NAP1L4: variants seen among roughly 807,000 people sequenced by gnomAD.
The protein encoded by NAP1L4 is nucleosome assembly protein 1 like 4.
A neutral mutation model predicts 58.2 loss-of-function variants in NAP1L4; 15 were observed. That is an observed-to-expected ratio of 0.26 (90% CI 0.17 to 0.40). NAP1L4 has a LOEUF of 0.40. NAP1L4 is among the 10% of genes least tolerant of loss of function. The pLI is 1.00. For synonymous variants in NAP1L4, 171 were observed against 155.6 expected, an observed-to-expected ratio of 1.10 and a Z score of -0.74; for missense variants, 384 against 451.1, an observed-to-expected ratio of 0.85 and a Z score of 1.35.
At chr11:2,962,533 T>C (rs1487087911) in intron 8 of NAP1L4, among the ~76,000 whole-genome samples, 1 of 152,214 alleles carries the variant, frequency 6.6e-6, no homozygotes, top group East Asian at 1.9e-4. Context: ...CGCTTCATAA[T>C]AATTTTACAA....
chr11:2,986,265 T>C (rs1179441435), intron 1 of NAP1L4, among the ~76,000 whole-genome samples: 1 of 151,804 alleles, frequency 6.6e-6, no homozygotes, highest in African/African-American at 2.4e-5. Context: ...TCCCAGCTAC[T>C]CAGGAGGCTG....
chr11:2,954,376 CACA>C lies in NAP1L4; in HGVS notation c.1035+148_1035+150del, dbSNP rs1372163899. 6.1e-6 allele frequency: 7 copies of C among 1,147,688 alleles called. No individual in the cohort carries two copies. The highest frequency in any genetic ancestry group is 2.0e-5 in the Admixed American group (1 of 51,120). 71.1% of individuals were successfully genotyped at this position (1,147,688 alleles called of 1,614,324 possible). A position where few individuals can be genotyped will look rare whatever the true frequency, so the allele number is the denominator to read the frequency against. The stretch of plus-strand genomic sequence containing the variant: ...TTCTCCTCTTCAAGCGTATTCCCCC[CACA>C]ACAAGGACAGCAGCTTGGACTACAT... On this transcript the variant is annotated intron_variant, in intron 12 of 15. Coordinates refer to ENST00000380542, the MANE Select transcript of NAP1L4 (RefSeq NM_005969.4). The surrounding 1 kb of genome is among the most constrained non-coding windows in gnomAD (Gnocchi z 4.8).
At chr11:2,988,139 GAAGA>G (rs1848752291) in intron 1 of NAP1L4, 2 of 152,102 alleles carry the variant, frequency 1.3e-5, no homozygotes, top group Admixed American at 1.3e-4. Context: ...GGGGTTTCAA[GAAGA>G]AAGCAAAAAA....
chr11:2,979,475 C>G (rs1848172152), intron 1 of NAP1L4, among the ~76,000 whole-genome samples: 1 of 152,052 alleles, frequency 6.6e-6, no homozygotes, highest in Admixed American at 6.6e-5. Context: ...AAACTTTACT[C>G]ATAAAAAAAT....
At chr11:2,987,239 ACT>A (rs1848685955) in intron 1 of NAP1L4, among the ~76,000 whole-genome samples, 8 of 151,512 alleles carry the variant, frequency 5.3e-5, no homozygotes, top group Admixed American at 4.6e-4. Context: ...TATCATTACC[ACT>A]CTCCAGGATC....
In NAP1L4 at chr11:2,971,729, A is replaced by G. The variant is rs1026968093; in HGVS notation, c.316-195T>C. ...GGGTAAACCTGGATGTTTCACCTAA[A>G]GATGTAAAATAAAGACAGTCCCCGA... On this transcript the variant is annotated intron_variant, in intron 5 of 15. Coordinates refer to ENST00000380542, the MANE Select transcript of NAP1L4 (RefSeq NM_005969.4). The surrounding 1 kb of genome is among the most constrained non-coding windows in gnomAD (Gnocchi z 4.2). Among the ~76,000 whole-genome samples the G allele has an allele frequency of 6.6e-6, 1 of 152,256 alleles. No homozygotes were observed. Among genetic ancestry groups the G allele is most frequent in the African/African-American group, 2.4e-5 (1 of 41,470 alleles).
At chr11:2,976,203 C>A in intron 3 of NAP1L4, 80 bp from the exon 4 acceptor site, 1 of 1,015,904 alleles carries the variant, frequency 9.8e-7, no homozygotes, top group Non-Finnish European at 1.5e-6. Context: ...AGTAACATAT[C>A]TACTTAGCTT....
rs558601081 is a variant in NAP1L4, at chr11:2,951,191, G to A, written c.1122+68C>T. 1.6e-6 allele frequency: 2 copies of A among 1,248,908 alleles called. No individual in the cohort carries two copies. Among genetic ancestry groups the A allele is most frequent in the Non-Finnish European group, 2.3e-6 (2 of 859,368 alleles). The allele number at this position is 1,248,908 out of a possible 1,614,324, so 77.4% of individuals were successfully genotyped here. On this transcript the variant is annotated intron_variant, in intron 14 of 15. Transcript: ENST00000380542. This position sits in a 1 kb window ranked among gnomAD's most constrained non-coding sequence, Gnocchi z 4.0. ...TTGTTAACACTACTGCCTCAAAGTG[G>A]GGAACATTTTTAAAAGTCTAAGAGT...
In NAP1L4 at chr11:2,951,023, A is replaced by G; in HGVS notation, c.1122+236T>C. 2.1e-6 allele frequency: 1 copy of G among 472,794 alleles called. No homozygotes were observed. Among genetic ancestry groups the G allele is most frequent in the Non-Finnish European group, 3.7e-6 (1 of 268,264 alleles). 29.3% of individuals were successfully genotyped at this position (472,794 alleles called of 1,614,324 possible). A position where few individuals can be genotyped will look rare whatever the true frequency, so the allele number is the denominator to read the frequency against. Reference sequence around the variant, plus strand: ...AGTTGCTCTACTGAGGAGTCTATGTAAATAAGACACAGCTTGAGACAGCTG... The same window carrying G: ...AGTTGCTCTACTGAGGAGTCTATGTGAATAAGACACAGCTTGAGACAGCTG... On this transcript the variant is annotated intron_variant, in intron 14 of 15. Transcript: ENST00000380542. The surrounding 1 kb of genome is among the most constrained non-coding windows in gnomAD (Gnocchi z 4.0).
At chr11:2,960,661 C>T (rs1438157849) in intron 8 of NAP1L4, among the ~76,000 whole-genome samples, 1 of 152,074 alleles carries the variant, frequency 6.6e-6, no homozygotes, top group Non-Finnish European at 1.5e-5. Flanking sequence ...CACTCATGTA[C>T]TGTCGACAGA....
intron 8 of NAP1L4, among the ~76,000 whole-genome samples, chr11:2,963,528 T>C (rs1387010426): frequency 6.6e-6 from 1 of 151,906 alleles, no homozygotes; most frequent in African/African-American, 2.4e-5. Context: ...CCTTCCATAG[T>C]GGAAAACAGA....
chr11:2,956,860 G>A (rs1039790842), intron 10 of NAP1L4, among the ~76,000 whole-genome samples: 29 of 152,174 alleles, frequency 1.9e-4, no homozygotes, highest in African/African-American at 7.0e-4. Flanking sequence ...CATTTTGTCT[G>A]TTCCTTCACT....
intron 7 of NAP1L4, among the ~76,000 whole-genome samples, chr11:2,969,559 T>TG (rs1233928132): frequency 6.6e-6 from 1 of 152,166 alleles, no homozygotes; most frequent in East Asian, 1.9e-4. Context: ...TTGAAAGTTT[T>TG]GGATCAGGCT....
At chr11:2,952,612 C>G (rs1368352563) in intron 12 of NAP1L4, 1 of 152,286 alleles carries the variant, frequency 6.6e-6, no homozygotes, top group Non-Finnish European at 1.5e-5. Flanking sequence ...TGCACAGCCT[C>G]CTGGCGCCAC....
At chr11:2,967,690 A>C (rs990963094) in intron 7 of NAP1L4, among the ~76,000 whole-genome samples, 1 of 152,166 alleles carries the variant, frequency 6.6e-6, no homozygotes, top group African/African-American at 2.4e-5. Context: ...GAGGTTACAA[A>C]CAGTACAAAT....
At chr11:2,986,102 G>A (rs759237117) in intron 1 of NAP1L4, among the ~76,000 whole-genome samples, 3 of 151,968 alleles carry the variant, frequency 2.0e-5, no homozygotes, top group Admixed American at 6.6e-5. Context: ...GGCCAGGCAC[G>A]GTGGCTCACG....
Position 2,981,209 on chromosome 11 carries a change from G to A in NAP1L4, c.-17-1972C>T, listed in dbSNP as rs946119814. Among the ~76,000 whole-genome samples the A allele has an allele frequency of 3.3e-5, 5 of 150,516 alleles. 1 individual carries two copies. In the South Asian group the frequency reaches 6.4e-4, roughly 19 times the overall value. ...GCTGAAATAACACCACTGCACTCCC[G>A]CCTGGAAGACACAGTCAGACTGTCT... is the stretch of plus-strand genomic sequence containing the variant. On this transcript the variant is annotated intron_variant, in intron 1 of 15. Transcript: ENST00000380542.
In NAP1L4 at chr11:2,982,589, C is replaced by T. The variant is rs117656904; in HGVS notation, c.-17-3352G>A. ...CAGTTTACACGAAAAGAAGCTGAGG[C>T]TTGGAAAGGTGAGGTGCCAAATTGA... On this transcript the variant is annotated intron_variant, in intron 1 of 15. Transcript: ENST00000380542. Among the ~76,000 whole-genome samples, 1,158 of 152,334 alleles carry T rather than the reference C, an allele frequency of 7.6e-3. 7 individuals are homozygous for T. Among genetic ancestry groups the T allele is most frequent in the Middle Eastern group, 0.01 (3 of 294 alleles).
intron 14 of NAP1L4, among the ~76,000 whole-genome samples, chr11:2,950,135 G>C (rs527586654): frequency 6.6e-6 from 1 of 152,226 alleles, no homozygotes; most frequent in Non-Finnish European, 1.5e-5. Flanking sequence ...ACGCAAGGCA[G>C]ACCCAGGCCT....
Sources: allele counts gnomAD v4.1 joint callset (sites outside exome capture counted in the v4.1 genomes callset), GRCh38; gene constraint gnomAD v4.1.1; non-coding constraint Gnocchi (gnomAD v3.1); transcripts MANE v1.5; gene names NCBI Gene and HGNC (gene_info 2026-07-23, HGNC 2026-07-21).